ERLIN2: variants seen among roughly 807,000 people sequenced by gnomAD.
The protein encoded by ERLIN2 is ER lipid raft associated 2.
A neutral mutation model predicts 41.5 loss-of-function variants in ERLIN2; 22 were observed. The ratio of observed to expected loss-of-function variants is 0.53; its 90% confidence interval spans 0.38 to 0.76. The LOEUF (loss-of-function observed/expected upper bound fraction) is 0.76, where lower values mean the gene tolerates loss of function less well. ERLIN2 is among the 30% of genes least tolerant of loss of function. ERLIN2 has a pLI of 0.00. For missense variants in ERLIN2, 247 were observed against 414.3 expected (o/e 0.60, Z 3.51); for synonymous variants, 149 against 150.9 (o/e 0.99, Z 0.09).
rs986942761 is a variant in ERLIN2 at position 37,754,812 on chromosome 8, T to C, written c.*697T>C. 9 of 153,204 alleles carry C rather than the reference T, an allele frequency of 5.9e-5. No individual in the cohort carries two copies. The highest frequency in any genetic ancestry group is 2.2e-4 in the African/African-American group (9 of 41,438). The allele number at this position is 153,204 out of a possible 1,614,324, so 9.5% of individuals were successfully genotyped here. ...TCACCACAACTCAATTATTTCGGCATCTTTTCACCTATGCTGTGATTTGTT... is the reference window on the plus strand; with the variant it reads ...TCACCACAACTCAATTATTTCGGCACCTTTTCACCTATGCTGTGATTTGTT... On this transcript the variant is annotated 3_prime_UTR_variant, in exon 12 of 12. Transcript: ENST00000519638.
At chr8:37,736,820 T>C (rs899826854) in intron 1 of ERLIN2, 142 bp downstream of exon 1, 6 of 985,778 alleles carry the variant, frequency 6.1e-6, no homozygotes, top group Admixed American at 6.1e-5. Flanking sequence ...CAGAAACCCT[T>C]TTCTGTCGCG....
In ERLIN2 at chr8:37,746,432, A is replaced by C. The variant is rs141691747; in HGVS notation, c.424+1736A>C. The C allele has an allele frequency of 1.2e-5, 12 of 985,434 alleles. No homozygotes were observed. The East Asian group carries it at 1.2e-3, about 102-fold the overall frequency. 61.0% of individuals were successfully genotyped at this position (985,434 alleles called of 1,614,324 possible). On this transcript the variant is annotated intron_variant, in intron 6 of 11. Coordinates refer to ENST00000519638, the MANE Select transcript of ERLIN2 (RefSeq NM_007175.8). ...CCTTTTAATACAGTTGAATGGATAAAAACATGGATACAAACACATGGATAT... is the reference window on the plus strand; with the variant it reads ...CCTTTTAATACAGTTGAATGGATAACAACATGGATACAAACACATGGATAT...
intron 1 of ERLIN2, chr8:37,737,109 T>G (rs1802674096): frequency 4.6e-6 from 2 of 436,652 alleles, no homozygotes; most frequent in African/African-American, 2.1e-5. Flanking sequence ...ACAGCTGAAC[T>G]TTGCAGTCAG....
Position 37,741,672 on chromosome 8 carries a change from C to A in ERLIN2, c.190-100C>A. Reference sequence around the variant, plus strand: ...CATGTTTAATGAAGGCCATGCTCAACCCAAACAGTTATTCCAGGACAAAGG... The same window carrying A: ...CATGTTTAATGAAGGCCATGCTCAAACCAAACAGTTATTCCAGGACAAAGG... On this transcript the variant is annotated intron_variant, in intron 3 of 11. Coordinates refer to ENST00000519638, the MANE Select transcript of ERLIN2 (RefSeq NM_007175.8). This position sits in a 1 kb window ranked among gnomAD's most constrained non-coding sequence, Gnocchi z 4.8. 1 of 919,014 alleles carries A rather than the reference C, an allele frequency of 1.1e-6. No homozygotes were observed. The highest frequency in any genetic ancestry group is 1.8e-6 in the Non-Finnish European group (1 of 550,314). 56.9% of individuals were successfully genotyped at this position (919,014 alleles called of 1,614,324 possible).
At chr8:37,747,825 A>G (rs769963671) in intron 6 of ERLIN2, 2 of 1,614,230 alleles carry the variant, frequency 1.2e-6, no homozygotes, top group East Asian at 4.5e-5. Context: ...GTTTGGCAGC[A>G]TCAATCACAC....
chr8:37,746,201 C>G, intron 6 of ERLIN2: 1 of 986,214 alleles, frequency 1.0e-6, no homozygotes, highest in Non-Finnish European at 1.2e-6. Flanking sequence ...CCTGGCCCTT[C>G]AACTCAGAAG....
rs1173018561 is a variant in ERLIN2 at position 37,754,778 on chromosome 8, A to G, written c.*663A>G. 6.5e-6 allele frequency: 1 copy of G among 154,076 alleles called. No individual in the cohort carries two copies. The highest frequency in any genetic ancestry group is 1.4e-5 in the Non-Finnish European group (1 of 69,226). 9.5% of individuals were successfully genotyped at this position (154,076 alleles called of 1,614,324 possible). On this transcript the variant is annotated 3_prime_UTR_variant, in exon 12 of 12. Coordinates refer to ENST00000519638, the MANE Select transcript of ERLIN2 (RefSeq NM_007175.8). The stretch of plus-strand genomic sequence containing the variant: ...GGTTTCTGACTACATTTCTAGAGTC[A>G]GAGCTTGATCACCACAACTCAATTA...
intron 7 of ERLIN2, 63 bp downstream of exon 7, chr8:37,749,695 A>T: frequency 5.8e-6 from 9 of 1,559,316 alleles, no homozygotes; most frequent in South Asian, 1.1e-5. Context: ...CTCCCAAGGG[A>T]TGTCCTTTTT....
At chr8:37,748,239 CAG>C (rs1487174260) in intron 6 of ERLIN2, among the ~76,000 whole-genome samples, 1 of 152,192 alleles carries the variant, frequency 6.6e-6, no homozygotes, top group African/African-American at 2.4e-5. Context: ...TCCACCTTGA[CAG>C]ATATAATTTG....
intron 6 of ERLIN2, chr8:37,745,034 C>G: frequency 1.7e-6 from 1 of 590,494 alleles, no homozygotes; most frequent in Non-Finnish European, 3.0e-6. Flanking sequence ...TCTAGAAGAA[C>G]CTTAGAGATT....
chr8:37,744,289 AC>A, intron 4 of ERLIN2, 65 bp from the exon 5 acceptor site: 1 of 1,334,490 alleles, frequency 7.5e-7, no homozygotes, highest in Non-Finnish European at 1.1e-6. Context: ...TTACGCCATC[AC>A]CCTGGGGGAC....
At chr8:37,738,659 G>T (rs917284155) in intron 2 of ERLIN2, among the ~76,000 whole-genome samples, 1 of 152,226 alleles carries the variant, frequency 6.6e-6, no homozygotes, top group South Asian at 2.1e-4. Context: ...GCTTAGATGG[G>T]AGGATCACCT....
At chr8:37,752,454 C>G (rs143335349) in intron 10 of ERLIN2, among the ~76,000 whole-genome samples, 19 of 152,330 alleles carry the variant, frequency 1.2e-4, no homozygotes, top group African/African-American at 4.6e-4. Context: ...TAGGATTTCA[C>G]AGATCAGTGG....
intron 6 of ERLIN2, chr8:37,746,566 C>G: frequency 1.1e-6 from 1 of 947,456 alleles, no homozygotes. Flanking sequence ...TTGTTTATCT[C>G]ACTATCATTT....
At chr8:37,751,791 C>T (rs1803224220) in intron 10 of ERLIN2, 76 bp downstream of exon 10, 4 of 1,101,080 alleles carry the variant, frequency 3.6e-6, no homozygotes, top group Admixed American at 1.8e-5. Context: ...GAGCCATTGC[C>T]TTTGCCCTTT....
At chr8:37,747,694 G>C (rs535390170) in intron 6 of ERLIN2, 3 of 1,586,558 alleles carry the variant, frequency 1.9e-6, no homozygotes, top group South Asian at 2.2e-5. Flanking sequence ...CTTCGGCTGG[G>C]ATTGGTAGAA....
At chr8:37,740,299 T>A (rs936026605) in intron 2 of ERLIN2, 66 bp from the exon 3 acceptor site, 6 of 1,078,522 alleles carry the variant, frequency 5.6e-6, no homozygotes, top group Non-Finnish European at 8.6e-6. Flanking sequence ...TTGACCCTCA[T>A]GATATTGATC....
rs116545035 is a variant in ERLIN2 at position 37,749,514 on chromosome 8, A to G, written c.425-45A>G. On this transcript the variant is annotated intron_variant, in intron 6 of 11. Coordinates refer to ENST00000519638, the MANE Select transcript of ERLIN2 (RefSeq NM_007175.8). ...TACCTCATCCTGCCCTCCCTCATCT[A>G]GAAAGTGTAACAACTCCTTTTTCTC... 1,684 of 1,373,532 alleles carry G rather than the reference A, an allele frequency of 1.2e-3. 14 individuals carry two copies. The African/African-American group carries it at 0.021, about 17-fold the overall frequency. 85.1% of individuals were successfully genotyped at this position (1,373,532 alleles called of 1,614,324 possible). A position where few individuals can be genotyped will look rare whatever the true frequency, so the allele number is the denominator to read the frequency against.
Position 37,756,739 on chromosome 8 carries a change from A to T in ERLIN2, c.*2624A>T, listed in dbSNP as rs1803367431. 6.6e-6 allele frequency: 1 copy of T among 152,650 alleles called. No homozygotes were observed. Among genetic ancestry groups the T allele is most frequent in the Non-Finnish European group, 1.5e-5 (1 of 68,042 alleles). The allele number at this position is 152,650 out of a possible 1,614,324, so 9.5% of individuals were successfully genotyped here. On this transcript the variant is annotated 3_prime_UTR_variant, in exon 12 of 12. Coordinates refer to ENST00000519638, the MANE Select transcript of ERLIN2 (RefSeq NM_007175.8). ...AGAAAATCTAATCTTAAAACATTTG[A>T]ATTCTAAACATGTAAAATGTGACAG...
Sources: allele counts gnomAD v4.1 joint callset (sites outside exome capture counted in the v4.1 genomes callset), GRCh38; gene constraint gnomAD v4.1.1; non-coding constraint Gnocchi (gnomAD v3.1); transcripts MANE v1.5; gene names NCBI Gene and HGNC (gene_info 2026-07-23, HGNC 2026-07-21).